SLC38A10: variants seen among roughly 807,000 people sequenced by gnomAD.
The protein encoded by SLC38A10 is Sodium-coupled neutral amino acid transporter 10.
SLC38A10 carries 53 observed loss-of-function variants against 81.0 expected under a neutral mutation model. The observed-to-expected ratio is 0.65, with a 90% CI of 0.53 to 0.82. SLC38A10 has a LOEUF of 0.82. SLC38A10 is among the 40% of genes least tolerant of loss of function. SLC38A10 has a pLI of 0.00. For synonymous variants in SLC38A10, 665 were observed against 655.3 expected, an observed-to-expected ratio of 1.01 and a Z score of -0.23; for missense variants, 1,471 against 1,545.0, an observed-to-expected ratio of 0.95 and a Z score of 0.80.
At chr17:81,280,840 TC>T (rs964853536) in intron 5 of SLC38A10, 107 bp from the exon 6 acceptor site, 2 of 1,428,542 alleles carry the variant, frequency 1.4e-6, no homozygotes, top group Admixed American at 4.9e-5. Flanking sequence ...GTGCAGCTCT[TC>T]CCACCCACAT....
rs61740870 is a variant in SLC38A10 at position 81,251,528 on chromosome 17, C to T, written c.2030G>A (p.Arg677Gln). 2.1e-4 allele frequency: 333 copies of T among 1,581,816 alleles called. No homozygotes were observed. Among genetic ancestry groups the T allele is most frequent in the Admixed American group, 3.1e-4 (17 of 54,476 alleles). The change falls in exon 14 of 16, where the codon CGA (arginine) becomes CAA (glutamine). Residue 677 changes from arginine (R) to glutamine (Q), a missense_variant. By Grantham distance (43) the Arg-to-Gln change is conservative. Coordinates refer to ENST00000374759, the MANE Select transcript of SLC38A10 (RefSeq NM_001037984.3). Reference sequence around the variant, plus strand: ...GCTGGCCGCCTGGTTTCCACCCGCTCGCTCCACGTCCCTCTGCTCGCGAGG... The same window carrying T: ...GCTGGCCGCCTGGTTTCCACCCGCTTGCTCCACGTCCCTCTGCTCGCGAGG... ...PEPREQRDVE[R>Q]AGGNQAASQL...
At chr17:81,280,465 G>T in intron 6 of SLC38A10, 144 bp downstream of exon 6, 1 of 1,262,384 alleles carries the variant, frequency 7.9e-7, no homozygotes, top group East Asian at 2.6e-5. Context: ...ACCTGGGGCG[G>T]GAAAGGTCAT....
chr17:81,260,115 T>C lies in SLC38A10; in HGVS notation c.1288+123A>G, dbSNP rs1598387139. 5 of 1,276,488 alleles carry C rather than the reference T, an allele frequency of 3.9e-6. No individual in the cohort carries two copies. In the Middle Eastern group the frequency reaches 9.7e-4, roughly 247 times the overall value. 79.1% of individuals were successfully genotyped at this position (1,276,488 alleles called of 1,614,324 possible). ...ACAGGGGAGGCTGGTGGCCCCACCC[T>C]GCTGGCTGCACCCACACAGGACAGA... On this transcript the variant is annotated intron_variant, in intron 11 of 15. Coordinates refer to ENST00000374759, the MANE Select transcript of SLC38A10 (RefSeq NM_001037984.3).
chr17:81,273,097 G>A (rs1353745185), intron 8 of SLC38A10, among the ~76,000 whole-genome samples: 2 of 152,188 alleles, frequency 1.3e-5, no homozygotes, highest in Non-Finnish European at 2.9e-5. Context: ...ATCTCCAGCA[G>A]ATGTGCAACA....
intron 14 of SLC38A10, among the ~76,000 whole-genome samples, chr17:81,248,730 A>G (rs1029404239): frequency 6.6e-6 from 1 of 152,218 alleles, no homozygotes; most frequent in African/African-American, 2.4e-5. Context: ...TGGTGACACC[A>G]TGACCAGCCA....
At chr17:81,291,001 G>A (rs1437282753) in intron 1 of SLC38A10, among the ~76,000 whole-genome samples, 1 of 151,790 alleles carries the variant, frequency 6.6e-6, no homozygotes, top group African/African-American at 2.4e-5. Context: ...GCAAGACTCC[G>A]CCTCGAGAAA....
chr17:81,246,109 C>A lies in SLC38A10; in HGVS notation c.2807G>T (p.Gly936Val). The A allele has an allele frequency of 6.2e-7, 1 of 1,608,818 alleles. No homozygotes were observed. The highest frequency in any genetic ancestry group is 8.5e-7 in the Non-Finnish European group (1 of 1,179,458). The change falls in exon 16 of 16, where the codon GGC becomes GTC. Residue 936 changes from glycine to valine, a missense_variant. Coordinates refer to ENST00000374759, the MANE Select transcript of SLC38A10 (RefSeq NM_001037984.3). The stretch of plus-strand genomic sequence containing the variant: ...CCCACCGGGCAGGTCCGCTGCAAGG[C>A]CCAGGTCTCGGCTCACTTGCTTGGG... ...MKPKQVSRDLGLAADLPGGAE... is the reference protein window; with the variant it reads ...MKPKQVSRDLVLAADLPGGAE...
At chr17:81,262,382 G>A (rs1363697836) in intron 10 of SLC38A10, among the ~76,000 whole-genome samples, 1 of 152,196 alleles carries the variant, frequency 6.6e-6, no homozygotes, top group Non-Finnish European at 1.5e-5. Flanking sequence ...GAAGCTGCCT[G>A]GACAGGAGAC....
chr17:81,280,142 G>A (rs761808910), intron 6 of SLC38A10: 42 of 453,518 alleles, frequency 9.3e-5, no homozygotes, highest in East Asian at 4.9e-4. Context: ...GGAAGAGCCC[G>A]ATCCACATTT....
At chr17:81,292,794 G>GGT (rs2063321042) in intron 1 of SLC38A10, among the ~76,000 whole-genome samples, 1 of 152,174 alleles carries the variant, frequency 6.6e-6, no homozygotes, top group Admixed American at 6.5e-5. Context: ...TACTTTCACA[G>GGT]GTGTCTAAAC....
At position 81,246,452 on chromosome 17, in the gene SLC38A10, G is replaced by A; in HGVS notation, c.2464C>T (p.Pro822Ser). ...RDPAGPPDGG[P>S]DTEPRAAQAK... ...TGGGCTGCCCGAGGCTCTGTGTCAG[G>A]GCCGCCGTCAGGAGGGCCAGCAGGG... Residue 822 changes from proline to serine, a missense_variant, in exon 16 of 16, where the codon CCT (proline) becomes TCT (serine). Pro to Ser is a moderately conservative substitution (Grantham distance 74, BLOSUM62 -1). Around this residue, in one of 2 missense-constraint regions of SLC38A10, gnomAD observed 751 missense variants for 717.4 expected, o/e 1.05. Coordinates refer to ENST00000374759, the MANE Select transcript of SLC38A10 (RefSeq NM_001037984.3). 6.3e-7 allele frequency: 1 copy of A among 1,586,830 alleles called. No individual in the cohort carries two copies. Among genetic ancestry groups the A allele is most frequent in the Non-Finnish European group, 8.6e-7 (1 of 1,167,382 alleles).
rs1465956885 is a variant in SLC38A10, at chr17:81,245,576, C to T, written c.3340G>A (p.Gly1114Arg). The T allele has an allele frequency of 1.2e-6, 2 of 1,609,236 alleles. No homozygotes were observed. The highest frequency in any genetic ancestry group is 1.7e-6 in the Non-Finnish European group (2 of 1,178,366). ...AGGTGCTAGGACTCCTCTGGAGGCC[C>T]AGGCGCCTGTCTAAGCTGCCGGCTG... is the stretch of plus-strand genomic sequence containing the variant. The part of the protein sequence containing the change: ...VHSRQLRQAP[G>R]PPEES The change falls in exon 16 of 16, where the codon GGG becomes AGG. Residue 1114 changes from glycine to arginine, a missense_variant. By Grantham distance (125) the Gly-to-Arg change is moderately radical. Around this residue, in one of 2 missense-constraint regions of SLC38A10, gnomAD observed 751 missense variants for 717.4 expected, o/e 1.05. Coordinates refer to ENST00000374759, the MANE Select transcript of SLC38A10 (RefSeq NM_001037984.3).
rs952803250 is a variant in SLC38A10 at position 81,274,146 on chromosome 17, G to A, written c.913-1519C>T. On this transcript the variant is annotated intron_variant, in intron 8 of 15. Coordinates refer to ENST00000374759, the MANE Select transcript of SLC38A10 (RefSeq NM_001037984.3). ...ACTGAAAGTTGGCCTGGCCAGATGC[G>A]CGGAGGGACCCCACGGCCATATGAC... Among the ~76,000 whole-genome samples the A allele has an allele frequency of 1.1e-4, 16 of 152,238 alleles. No individual in the cohort carries two copies. In the East Asian group the frequency reaches 1.9e-3, roughly 18 times the overall value.
At chr17:81,252,987 G>A in intron 12 of SLC38A10, 86 bp downstream of exon 12, 1 of 1,514,560 alleles carries the variant, frequency 6.6e-7, no homozygotes, top group Admixed American at 1.8e-5. Context: ...ACACAGCCCT[G>A]AGAGCCACCC....
At chr17:81,290,983 G>A (rs1464632074) in intron 1 of SLC38A10, among the ~76,000 whole-genome samples, 1 of 152,000 alleles carries the variant, frequency 6.6e-6, no homozygotes, top group African/African-American at 2.4e-5. Context: ...CTCCAGCCTG[G>A]CGACCGAGCA....
Position 81,246,079 on chromosome 17 carries a change from T to C in SLC38A10, c.2837A>G (p.Glu946Gly). 1 of 1,608,698 alleles carries C rather than the reference T, an allele frequency of 6.2e-7. No homozygotes were observed. Among genetic ancestry groups the C allele is most frequent in the African/African-American group, 1.3e-5 (1 of 75,050 alleles). Residue 946 changes from glutamate (E) to glycine (G), a missense_variant, in exon 16 of 16, where the codon GAA becomes GGA. This residue lies in a region of SLC38A10 where 751 missense variants were observed against 717.4 expected (regional missense o/e 1.05). Transcript: ENST00000374759. ...AGCCTGGGGCTGTGCAGCTGCTCCTTCCGCCCCACCGGGCAGGTCCGCTGC... is the reference window on the plus strand; with the variant it reads ...AGCCTGGGGCTGTGCAGCTGCTCCTCCCGCCCCACCGGGCAGGTCCGCTGC... Reference protein sequence around the residue: ...GLAADLPGGAEGAAAQPQAVL... With the variant: ...GLAADLPGGAGGAAAQPQAVL...
At chr17:81,280,863 A>G in intron 5 of SLC38A10, 130 bp from the exon 6 acceptor site, 2 of 1,317,918 alleles carry the variant, frequency 1.5e-6, no homozygotes, top group South Asian at 1.6e-5. Flanking sequence ...CCAGCCCCCC[A>G]CCACCCTGTG....
intron 1 of SLC38A10, among the ~76,000 whole-genome samples, chr17:81,290,895 A>G (rs2063305023): frequency 6.6e-6 from 1 of 152,100 alleles, no homozygotes; most frequent in Non-Finnish European, 1.5e-5. Flanking sequence ...AATCCCAGCT[A>G]CTTGGGAGGC....
Position 81,277,207 on chromosome 17 carries a change from C to T in SLC38A10, c.627-74G>A. Reference sequence around the variant, plus strand: ...TCCCCAGCGGCTCCACTTCTAGGACCTCTCTGCAGCCCAGTGAGAGTCTCT... The same window carrying T: ...TCCCCAGCGGCTCCACTTCTAGGACTTCTCTGCAGCCCAGTGAGAGTCTCT... On this transcript the variant is annotated intron_variant, in intron 6 of 15. Transcript: ENST00000374759. The surrounding 1 kb of genome is among the most constrained non-coding windows in gnomAD (Gnocchi z 4.5). 1.5e-6 allele frequency: 2 copies of T among 1,298,194 alleles called. No individual in the cohort carries two copies. Among genetic ancestry groups the T allele is most frequent in the East Asian group, 4.7e-5 (2 of 42,696 alleles). 80.4% of individuals were successfully genotyped at this position (1,298,194 alleles called of 1,614,324 possible).
Sources: allele counts gnomAD v4.1 joint callset (sites outside exome capture counted in the v4.1 genomes callset), GRCh38; gene constraint gnomAD v4.1.1; regional missense constraint gnomAD v4.1.1; non-coding constraint Gnocchi (gnomAD v3.1); transcripts MANE v1.5; gene names NCBI Gene and HGNC (gene_info 2026-07-23, HGNC 2026-07-21).